The following SLC2A9 variants were observed in gnomAD, a reference collection of about 807,000 sequenced individuals.
The protein encoded by SLC2A9 is solute carrier family 2, facilitated glucose transporter member 9.
Under a neutral mutation model 50.6 loss-of-function variants are expected in SLC2A9, and 39 were observed. That is an observed-to-expected ratio of 0.77 (90% CI 0.60 to 1.01). The LOEUF is 1.01. Among genes scored for constraint, SLC2A9 ranks in the 50% least tolerant of loss-of-function variants. The pLI, the probability that SLC2A9 is intolerant of heterozygous loss-of-function variation, is 0.00. For synonymous variants in SLC2A9, 324 were observed against 276.9 expected, an observed-to-expected ratio of 1.17 and a Z score of -1.69; for missense variants, 686 against 677.6, an observed-to-expected ratio of 1.01 and a Z score of -0.14.
chr4:10,012,835 G>A (rs73805488), intron 2 of SLC2A9, among the ~76,000 whole-genome samples: 3,342 of 152,156 alleles, frequency 0.022, 69 homozygotes, highest in African/African-American at 0.058. Context: ...TGATGACAGA[G>A]TGGTCACATC....
chr4:9,988,443 G>A (rs533779996), intron 3 of SLC2A9, among the ~76,000 whole-genome samples: 77 of 152,270 alleles, frequency 5.1e-4, no homozygotes, highest in African/African-American at 1.6e-3. Context: ...ACACTCTCTG[G>A]GCAAGTTTAT....
At chr4:9,911,662 C>A (rs1365719692) in intron 7 of SLC2A9, among the ~76,000 whole-genome samples, 1 of 152,318 alleles carries the variant, frequency 6.6e-6, no homozygotes, top group Non-Finnish European at 1.5e-5. Context: ...ACCTGCGTGA[C>A]CGCAGGCAAG....
Position 9,916,254 on chromosome 4 carries a change from C to A in SLC2A9, c.1002+4131G>T, listed in dbSNP as rs186578941. ...AGTGGTTAGAGGAACACACCAGGAA[C>A]CCTGTAATGCATGGGTATCCCACCA... On this transcript the variant is annotated intron_variant, in intron 7 of 11. Coordinates refer to ENST00000264784, the MANE Select transcript of SLC2A9 (RefSeq NM_020041.3). 1.2e-4 allele frequency among the ~76,000 whole-genome samples: 19 copies of A among 152,320 alleles called. No individual in the cohort carries two copies. The East Asian group carries it at 3.5e-3, about 28-fold the overall frequency.
At chr4:9,925,194 C>T (rs1317926599) in intron 6 of SLC2A9, among the ~76,000 whole-genome samples, 1 of 152,214 alleles carries the variant, frequency 6.6e-6, no homozygotes, top group South Asian at 2.1e-4. Context: ...GTCCAGAACA[C>T]CCTGCCACTT....
intron 6 of SLC2A9, among the ~76,000 whole-genome samples, chr4:9,931,960 CTCTATATATA>C (rs1560329521): frequency 8.9e-5 from 2 of 22,350 alleles, no homozygotes; most frequent in Non-Finnish European, 1.5e-4. Flanking sequence ...CTCTCTCTCT[CTCTATATATA>C]TATATATATA....
chr4:9,848,267 G>A (rs536087154), intron 10 of SLC2A9, among the ~76,000 whole-genome samples: 5 of 151,708 alleles, frequency 3.3e-5, no homozygotes, highest in South Asian at 2.1e-4. Flanking sequence ...AAGCAATGGC[G>A]CCTTTTTCCC....
intron 10 of SLC2A9, among the ~76,000 whole-genome samples, chr4:9,870,607 G>A (rs1005759265): frequency 2.0e-5 from 3 of 152,330 alleles, no homozygotes; most frequent in African/African-American, 4.8e-5. Flanking sequence ...CCACGTTTTC[G>A]CATTCAAGTT....
intron 3 of SLC2A9, among the ~76,000 whole-genome samples, chr4:9,799,779 T>C (rs1721139697): frequency 6.9e-6 from 1 of 145,910 alleles, no homozygotes; most frequent in Non-Finnish European, 1.5e-5. Flanking sequence ...GATGGTGTTA[T>C]GGTACCAGGA....
intron 3 of SLC2A9, among the ~76,000 whole-genome samples, chr4:9,820,231 T>C (rs1000337248): frequency 2.0e-5 from 3 of 152,244 alleles, no homozygotes; most frequent in African/African-American, 4.8e-5. Flanking sequence ...GTAGAAAAGA[T>C]AATGCCTTTG....
At chr4:9,815,445 C>T (rs1051250358) in intron 3 of SLC2A9, among the ~76,000 whole-genome samples, 2 of 152,196 alleles carry the variant, frequency 1.3e-5, no homozygotes, top group African/African-American at 4.8e-5. Flanking sequence ...GAAGTTTTGA[C>T]GGTCACAAGC....
intron 6 of SLC2A9, among the ~76,000 whole-genome samples, chr4:9,922,482 A>T (rs142677291): frequency 0.016 from 2,395 of 151,206 alleles, 26 homozygotes; most frequent in Middle Eastern, 0.055. Flanking sequence ...TTTAAAATTT[A>T]AAAAAAAAAT....
chr4:9,779,770 C>G (rs1340848781), downstream of SLC2A9: 1 of 151,552 alleles, frequency 6.6e-6, no homozygotes, highest in African/African-American at 2.4e-5. Flanking sequence ...CTCTCTCTCC[C>G]TCCCATTGTA....
intron 5 of SLC2A9, among the ~76,000 whole-genome samples, chr4:9,976,425 T>C (rs752546596): frequency 5.3e-5 from 8 of 152,182 alleles, no homozygotes; most frequent in Non-Finnish European, 1.2e-4. Context: ...ATAGTGAAAA[T>C]GAAATTCTGA....
chr4:9,976,066 G>C (rs902605602), intron 5 of SLC2A9, among the ~76,000 whole-genome samples: 1 of 152,186 alleles, frequency 6.6e-6, no homozygotes, highest in African/African-American at 2.4e-5. Context: ...TGGACATAAA[G>C]ATGGCAACAC....
chr4:9,787,406 C>A (rs544195242), intron 3 of SLC2A9, among the ~76,000 whole-genome samples: 1 of 152,192 alleles, frequency 6.6e-6, no homozygotes, highest in Non-Finnish European at 1.5e-5. Flanking sequence ...CCTTGCAACA[C>A]GGTACAAAGA....
At chr4:9,835,816 G>A (rs1432706537) in intron 10 of SLC2A9, among the ~76,000 whole-genome samples, 5 of 152,112 alleles carry the variant, frequency 3.3e-5, no homozygotes, top group Admixed American at 2.6e-4. Flanking sequence ...GCCAGGCGCG[G>A]TGGCTCACAC....
At chr4:9,927,507 G>A (rs989028927) in intron 6 of SLC2A9, among the ~76,000 whole-genome samples, 6 of 152,242 alleles carry the variant, frequency 3.9e-5, no homozygotes, top group East Asian at 1.9e-4. Flanking sequence ...CAATAGCCTC[G>A]TATAAGTTCC....
chr4:9,814,014 C>T (rs1723223526), intron 3 of SLC2A9, among the ~76,000 whole-genome samples: 2 of 152,142 alleles, frequency 1.3e-5, no homozygotes, highest in South Asian at 4.1e-4. Flanking sequence ...GTGGCACATG[C>T]CTGTAATCTC....
At chr4:9,810,623 G>T (rs1237681683) in intron 3 of SLC2A9, among the ~76,000 whole-genome samples, 1 of 152,244 alleles carries the variant, frequency 6.6e-6, no homozygotes, top group African/African-American at 2.4e-5. Context: ...ATTAAGAAAA[G>T]TCAGTGTTCA....
Sources: gnomAD v4.1 joint callset for allele counts (sites outside exome capture counted in the v4.1 genomes callset) on GRCh38, gnomAD v4.1.1 for gene constraint, MANE v1.5 for transcripts, NCBI Gene and HGNC (gene_info 2026-07-23, HGNC 2026-07-21) for gene names.